The following MDGA2 variants were observed in gnomAD, a reference collection of about 807,000 sequenced individuals.
MDGA2 encodes MAM domain-containing glycosylphosphatidylinositol anchor protein 2.
In MDGA2, 40 loss-of-function variants were observed where a neutral mutation model predicts 117.8. That is an observed-to-expected ratio of 0.34 (90% CI 0.26 to 0.44). The LOEUF is 0.44. Among genes scored for constraint, MDGA2 ranks in the 20% least tolerant of loss-of-function variants. The pLI is 1.00. For missense variants in MDGA2, 1,123 were observed against 1,250.6 expected (o/e 0.90, Z 1.54); for synonymous variants, 452 against 439.0 (o/e 1.03, Z -0.37).
chr14:47,318,937 T>C (rs971001859), intron 1 of MDGA2, among the ~76,000 whole-genome samples: 3 of 152,326 alleles, frequency 2.0e-5, no homozygotes, highest in African/African-American at 7.2e-5. Context: ...TAACTGATTG[T>C]CACTTGATCA....
intron 1 of MDGA2, among the ~76,000 whole-genome samples, chr14:47,662,733 C>G (rs984739702): frequency 2.0e-5 from 3 of 152,076 alleles, no homozygotes; most frequent in Admixed American, 6.5e-5. Context: ...TTATTTCAGG[C>G]TGCAGTCCAC....
At chr14:47,221,864 G>C (rs1396905851) in intron 2 of MDGA2, among the ~76,000 whole-genome samples, 1 of 151,654 alleles carries the variant, frequency 6.6e-6, no homozygotes, top group Non-Finnish European at 1.5e-5. Context: ...TATATTTGGG[G>C]TACGATGTGA....
In MDGA2 at chr14:47,155,618, C is replaced by T. The variant is rs148586059; in HGVS notation, c.596-11344G>A. On this transcript the variant is annotated intron_variant, in intron 3 of 16. Transcript: ENST00000399232. Reference sequence around the variant, plus strand: ...GCTACAGCTGGCATGTCTGGCTGTACACAGTGGCCAGACCCTGTGGTTGCT... The same window carrying T: ...GCTACAGCTGGCATGTCTGGCTGTATACAGTGGCCAGACCCTGTGGTTGCT... Among the ~76,000 whole-genome samples the T allele has an allele frequency of 1.9e-4, 29 of 152,160 alleles. No homozygotes were observed. The East Asian group carries it at 5.1e-3, about 27-fold the overall frequency.
chr14:46,876,076 A>AT (rs1291756801), intron 12 of MDGA2, among the ~76,000 whole-genome samples: 1 of 151,480 alleles, frequency 6.6e-6, no homozygotes, highest in African/African-American at 2.4e-5. Flanking sequence ...TGTGCCTAAA[A>AT]TTTTTCATCG....
chr14:47,359,055 A>G (rs938671174), intron 1 of MDGA2, among the ~76,000 whole-genome samples: 5 of 152,186 alleles, frequency 3.3e-5, no homozygotes, highest in African/African-American at 1.2e-4. Flanking sequence ...CATATGTCCT[A>G]ATTTTAAATT....
At chr14:47,357,119 C>T (rs750789199) in intron 1 of MDGA2, among the ~76,000 whole-genome samples, 8 of 152,168 alleles carry the variant, frequency 5.3e-5, no homozygotes, top group African/African-American at 1.4e-4. Flanking sequence ...TCCTCCCCTC[C>T]ACAACTTGCA....
intron 1 of MDGA2, among the ~76,000 whole-genome samples, chr14:47,598,190 T>C (rs1220715100): frequency 6.6e-6 from 1 of 152,162 alleles, no homozygotes; most frequent in Non-Finnish European, 1.5e-5. Flanking sequence ...TTAGTAAGGA[T>C]ATTGAAAAAT....
At chr14:47,118,803 A>G (rs1483294515) in intron 5 of MDGA2, among the ~76,000 whole-genome samples, 3 of 152,074 alleles carry the variant, frequency 2.0e-5, no homozygotes, top group African/African-American at 7.2e-5. Flanking sequence ...GCGTGATCAG[A>G]GCTCACTGCA....
At chr14:46,923,825 A>C (rs1884224547) in intron 9 of MDGA2, among the ~76,000 whole-genome samples, 1 of 152,078 alleles carries the variant, frequency 6.6e-6, no homozygotes, top group Admixed American at 6.6e-5. Flanking sequence ...AGTAAAACCA[A>C]AGAAATATCC....
chr14:47,611,087 CA>C (rs201712491), intron 1 of MDGA2, among the ~76,000 whole-genome samples: 10 of 150,848 alleles, frequency 6.6e-5, no homozygotes, highest in African/African-American at 1.7e-4. Flanking sequence ...TTTGACAAAG[CA>C]AAAAAAACAT....
At chr14:46,930,309 A>G (rs574865333) in intron 9 of MDGA2, among the ~76,000 whole-genome samples, 24 of 152,178 alleles carry the variant, frequency 1.6e-4, no homozygotes, top group Non-Finnish European at 2.2e-4. Context: ...TTTCTCTAGA[A>G]CAAATTAAAA....
chr14:47,392,852 A>T (rs894968538), intron 1 of MDGA2, among the ~76,000 whole-genome samples: 1 of 152,304 alleles, frequency 6.6e-6, no homozygotes, highest in Non-Finnish European at 1.5e-5. Flanking sequence ...AAATGGAAAT[A>T]AGGATCACAT....
intron 1 of MDGA2, among the ~76,000 whole-genome samples, chr14:47,619,899 A>C (rs1171658165): frequency 1.3e-5 from 2 of 150,912 alleles, no homozygotes; most frequent in African/African-American, 2.4e-5. Flanking sequence ...GTGGAGCCTG[A>C]CTGACTCACA....
intron 8 of MDGA2, among the ~76,000 whole-genome samples, chr14:47,023,928 T>C (rs1034077172): frequency 1.3e-5 from 2 of 152,078 alleles, no homozygotes; most frequent in Non-Finnish European, 2.9e-5. Context: ...AAATCTGATA[T>C]ACAGAGAAGA....
At chr14:47,200,529 C>CTT (rs1566677695) in intron 3 of MDGA2, 4 of 586,096 alleles carry the variant, frequency 6.8e-6, no homozygotes, top group African/African-American at 2.5e-5. Flanking sequence ...TTTTCTTTTT[C>CTT]TTTTCTTTTT....
intron 1 of MDGA2, among the ~76,000 whole-genome samples, chr14:47,570,432 T>G (rs1895997680): frequency 6.6e-6 from 1 of 152,154 alleles, no homozygotes; most frequent in Non-Finnish European, 1.5e-5. Flanking sequence ...CCTCTTTAAG[T>G]CAGTATACTC....
In MDGA2 at chr14:46,929,630, TA is replaced by T. The variant is rs1566530317; in HGVS notation, c.2090-9471del. Among the ~76,000 whole-genome samples, 32 of 33,474 alleles carry T rather than the reference TA, an allele frequency of 9.6e-4. 2 individuals are homozygous for T. The highest frequency in any genetic ancestry group is 2.4e-3 in the African/African-American group (21 of 8,630). The allele number at this position is 33,474 out of a possible 152,430, so 22.0% of individuals were successfully genotyped here. A position where few individuals can be genotyped will look rare whatever the true frequency, so the allele number is the denominator to read the frequency against. Reference sequence around the variant, plus strand: ...ATATATATATATATATATATATATATATATATATATATATATACATTTTTTT... The same window carrying T: ...ATATATATATATATATATATATATATTATATATATATATATACATTTTTTT... On this transcript the variant is annotated intron_variant, in intron 9 of 16. Transcript: ENST00000399232.
intron 9 of MDGA2, among the ~76,000 whole-genome samples, chr14:46,952,080 T>C (rs1275970001): frequency 6.6e-6 from 1 of 151,916 alleles, no homozygotes; most frequent in East Asian, 1.9e-4. Context: ...TTCAAGGATT[T>C]TCCTTGGCAA....
chr14:47,662,639 C>A (rs1229661079), intron 1 of MDGA2, among the ~76,000 whole-genome samples: 2 of 152,076 alleles, frequency 1.3e-5, no homozygotes, highest in Non-Finnish European at 2.9e-5. Context: ...ACTTTCCACA[C>A]CAGCTGCTGC....
Sources: gnomAD v4.1 joint callset for allele counts (sites outside exome capture counted in the v4.1 genomes callset) on GRCh38, gnomAD v4.1.1 for gene constraint, MANE v1.5 for transcripts, NCBI Gene and HGNC (gene_info 2026-07-23, HGNC 2026-07-21) for gene names.